The following FAM53A variants were observed in gnomAD, a reference collection of about 807,000 sequenced individuals.
The protein encoded by FAM53A is family with sequence similarity 53 member A.
In FAM53A, 28 loss-of-function variants were observed where a neutral mutation model predicts 26.6. The observed-to-expected ratio is 1.05, with a 90% CI of 0.78 to 1.45. The LOEUF (loss-of-function observed/expected upper bound fraction) is 1.45, where lower values mean the gene tolerates loss of function less well. FAM53A is among the 40% of genes most tolerant of loss of function. The pLI, the probability that FAM53A is intolerant of heterozygous loss-of-function variation, is 0.00. For synonymous variants in FAM53A, 290 were observed against 253.1 expected, an observed-to-expected ratio of 1.15 and a Z score of -1.38; for missense variants, 650 against 575.8, an observed-to-expected ratio of 1.13 and a Z score of -1.32.
intron 1 of FAM53A, among the ~76,000 whole-genome samples, chr4:1,673,377 G>A (rs1358988776): frequency 6.6e-6 from 1 of 152,214 alleles, no homozygotes; most frequent in South Asian, 2.1e-4. Context: ...GGGTCTGCAC[G>A]CCCTCGACAG....
At chr4:1,644,154 T>A in intron 4 of FAM53A, 1 of 1,530,708 alleles carries the variant, frequency 6.5e-7, no homozygotes, top group Non-Finnish European at 8.7e-7. Flanking sequence ...CAGGCTGCAC[T>A]ACACACGCAC....
At chr4:1,627,523 C>T (rs1432426071) in intron 1 of FAM53A, among the ~76,000 whole-genome samples, 2 of 152,196 alleles carry the variant, frequency 1.3e-5, no homozygotes, top group East Asian at 3.9e-4. Flanking sequence ...CTGGCCACAG[C>T]TCCCCAGCAG....
intron 4 of FAM53A, among the ~76,000 whole-genome samples, chr4:1,643,851 G>A (rs1264834097): frequency 6.6e-6 from 1 of 152,160 alleles, no homozygotes; most frequent in African/African-American, 2.4e-5. Context: ...ACAAGCATGA[G>A]CCACCACGCC....
chr4:1,574,707 T>C, the FAM53A span, among the ~76,000 whole-genome samples: 2 of 152,218 alleles, frequency 1.3e-5, no homozygotes, highest in African/African-American at 4.8e-5. Context: ...CGGGCACCCC[T>C]GAGACAGGCG....
chr4:1,666,777 G>A (rs546053388), intron 2 of FAM53A, among the ~76,000 whole-genome samples: 41 of 152,332 alleles, frequency 2.7e-4, no homozygotes, highest in African/African-American at 7.7e-4. Flanking sequence ...TGAGGTGGGC[G>A]GATCACTGAC....
chr4:1,630,168 T>C lies in FAM53A; in HGVS notation c.432-12057A>G, dbSNP rs975599171. ...CCAACTCCTCACACACAGGGGTAGG[T>C]CATCCCCTTCCAAGCTGTCGGAGCT... On this transcript the variant is annotated intron_variant, in intron 1 of 1. Coordinates refer to the FAM53A transcript ENST00000489029. This position sits in a 1 kb window ranked among gnomAD's most constrained non-coding sequence, Gnocchi z 4.3. 6.6e-6 allele frequency among the ~76,000 whole-genome samples: 1 copy of C among 152,066 alleles called. No homozygotes were observed. Among genetic ancestry groups the C allele is most frequent in the Admixed American group, 6.5e-5 (1 of 15,274 alleles).
intron 1 of FAM53A, among the ~76,000 whole-genome samples, chr4:1,674,775 G>A (rs1388798176): frequency 6.6e-6 from 1 of 152,206 alleles, no homozygotes; most frequent in Non-Finnish European, 1.5e-5. Context: ...CCTGGGGGAT[G>A]CGATTCCACA....
intron 1 of FAM53A, among the ~76,000 whole-genome samples, chr4:1,680,333 A>C (rs1445703100): frequency 2.0e-5 from 3 of 150,206 alleles, no homozygotes; most frequent in Non-Finnish European, 4.4e-5. Context: ...AAAAAAAAAA[A>C]AAAAAAAAAA....
chr4:1,590,115 A>G, the FAM53A span, among the ~76,000 whole-genome samples: 3 of 152,154 alleles, frequency 2.0e-5, no homozygotes, highest in African/African-American at 7.2e-5. Flanking sequence ...TAATTTCTTT[A>G]TGATTTTTCC....
intron 1 of FAM53A, among the ~76,000 whole-genome samples, chr4:1,619,002 G>A (rs1714915588): frequency 1.3e-5 from 2 of 152,220 alleles, no homozygotes; most frequent in Non-Finnish European, 2.9e-5. Flanking sequence ...CAACAAGACG[G>A]GGAAGGGGAT....
chr4:1,582,482 C>G, the FAM53A span, among the ~76,000 whole-genome samples: 4 of 152,338 alleles, frequency 2.6e-5, no homozygotes, highest in African/African-American at 9.6e-5. Context: ...GGCCCTGCAC[C>G]CTGCACCCAG....
At chr4:1,616,650 T>C (rs1470918499), downstream of FAM53A, among the ~76,000 whole-genome samples, 3 of 152,136 alleles carry the variant, frequency 2.0e-5, no homozygotes, top group African/African-American at 7.2e-5. Context: ...CCAGAAGTGG[T>C]TGAGGGAATG....
rs1383371255 is a variant in FAM53A, at chr4:1,621,491, C to T, written c.432-3380G>A. 2.6e-5 allele frequency among the ~76,000 whole-genome samples: 4 copies of T among 152,332 alleles called. No individual in the cohort carries two copies. The East Asian group carries it at 7.7e-4, about 29-fold the overall frequency. ...CAGACAGAACTTAGTCACATGGCCA[C>T]ACTCCACTGCAAGGAAGGTTGGGAG... On this transcript the variant is annotated intron_variant, in intron 1 of 1. Coordinates refer to the FAM53A transcript ENST00000489029.
chr4:1,598,068 C>A, the FAM53A span, among the ~76,000 whole-genome samples: 32 of 152,344 alleles, frequency 2.1e-4, 1 homozygote, highest in African/African-American at 7.5e-4. Context: ...TGGAAGGTGC[C>A]CTTTGAGAGC....
intron 1 of FAM53A, among the ~76,000 whole-genome samples, chr4:1,623,380 A>G (rs1239520362): frequency 1.3e-5 from 2 of 150,518 alleles, no homozygotes; most frequent in African/African-American, 5.0e-5. Flanking sequence ...GGCAGCCTCA[A>G]GCAGAGTTGC....
Position 1,641,460 on chromosome 4 carries a change from T to C in FAM53A, c.1030A>G (p.Arg344Gly). ...TMPGCSQRGL[R>G]TSPVHPNLWA... Reference sequence around the variant, plus strand: ...AGGTTGGGGTGGACAGGGCTGGTCCTGAGGCCCCTCTGGCTGCAGCCAGGC... The same window carrying C: ...AGGTTGGGGTGGACAGGGCTGGTCCCGAGGCCCCTCTGGCTGCAGCCAGGC... Residue 344 changes from arginine (R) to glycine (G), a missense_variant, in exon 5 of 5, where the codon AGG becomes GGG. Arg to Gly is a moderately radical substitution (Grantham distance 125). Coordinates refer to ENST00000308132, the MANE Select transcript of FAM53A (RefSeq NM_001174070.3). 2.5e-6 allele frequency: 4 copies of C among 1,614,114 alleles called. No individual in the cohort carries two copies. Among genetic ancestry groups the C allele is most frequent in the Non-Finnish European group, 3.4e-6 (4 of 1,179,990 alleles).
chr4:1,653,578 C>A (rs1713066508), intron 4 of FAM53A, among the ~76,000 whole-genome samples: 1 of 152,224 alleles, frequency 6.6e-6, no homozygotes, highest in Non-Finnish European at 1.5e-5. Flanking sequence ...CCAAAGCTTG[C>A]CACCAGCTTT....
At chr4:1,623,044 G>A (rs2108749057) in intron 1 of FAM53A, among the ~76,000 whole-genome samples, 1 of 152,324 alleles carries the variant, frequency 6.6e-6, no homozygotes, top group South Asian at 2.1e-4. Flanking sequence ...AGCCCCCACG[G>A]TCACAGGGCT....
At chr4:1,685,002 C>T (rs992104270), upstream of FAM53A, among the ~76,000 whole-genome samples, 4 of 152,060 alleles carry the variant, frequency 2.6e-5, no homozygotes, top group African/African-American at 9.7e-5. Context: ...GGAAGGAGGC[C>T]GTGCCCCGCT....
Sources: gnomAD v4.1 joint callset for allele counts (sites outside exome capture counted in the v4.1 genomes callset) on GRCh38, gnomAD v4.1.1 for gene constraint, Gnocchi (gnomAD v3.1) non-coding constraint, MANE v1.5 for transcripts, NCBI Gene and HGNC (gene_info 2026-07-23, HGNC 2026-07-21) for gene names.